GPHN: variants seen among roughly 807,000 people sequenced by gnomAD.
The protein encoded by GPHN is gephyrin.
Under a neutral mutation model 95.5 loss-of-function variants are expected in GPHN, and 17 were observed. That is an observed-to-expected ratio of 0.18 (90% CI 0.12 to 0.27). The LOEUF is 0.27. Ranked by LOEUF, GPHN falls within the 10% of genes least tolerant of loss-of-function variation. The pLI is 1.00. For missense variants in GPHN, 660 were observed against 978.1 expected (o/e 0.67, Z 4.34); for synonymous variants, 320 against 322.5 (o/e 0.99, Z 0.08).
the GPHN span, chr14:67,557,195 C>A: frequency 7.7e-7 from 1 of 1,291,040 alleles, no homozygotes. Flanking sequence ...GACGGTGTCC[C>A]ATCCCACGTT....
At chr14:67,340,449 T>A in the GPHN span, 1 of 1,613,704 alleles carries the variant, frequency 6.2e-7, no homozygotes, top group Non-Finnish European at 8.5e-7. Flanking sequence ...CCTATAGAAC[T>A]CTTCTCGCTC....
intron 4 of GPHN, among the ~76,000 whole-genome samples, chr14:66,828,639 T>C (rs954923427): frequency 4.6e-5 from 7 of 152,056 alleles, no homozygotes; most frequent in Admixed American, 1.3e-4. Context: ...AGCAAAATTG[T>C]TTGTGGATGT....
At chr14:67,218,738 G>T in the GPHN span, among the ~76,000 whole-genome samples, 1 of 151,942 alleles carries the variant, frequency 6.6e-6, no homozygotes, top group Non-Finnish European at 1.5e-5. Flanking sequence ...TAGCCATTCT[G>T]CTTGCCCAAG....
At chr14:66,610,164 C>T (rs1441634008) in intron 1 of GPHN, among the ~76,000 whole-genome samples, 2 of 152,076 alleles carry the variant, frequency 1.3e-5, no homozygotes, top group African/African-American at 2.4e-5. Context: ...TGAGTAGATT[C>T]TTTCCCTGGG....
chr14:66,555,129 A>C (rs2059957093), intron 1 of GPHN, among the ~76,000 whole-genome samples: 1 of 151,518 alleles, frequency 6.6e-6, no homozygotes, highest in South Asian at 2.1e-4. Context: ...CCACAAAAAA[A>C]ACAAAAGAAG....
At chr14:67,029,982 G>A (rs1486605367) in intron 10 of GPHN, among the ~76,000 whole-genome samples, 2 of 133,680 alleles carry the variant, frequency 1.5e-5, no homozygotes, top group African/African-American at 6.6e-5. Context: ...AGCTTCTTTG[G>A]TAGCTCTTTT....
At chr14:66,788,766 C>A (rs569744633) in intron 3 of GPHN, among the ~76,000 whole-genome samples, 15 of 152,290 alleles carry the variant, frequency 9.8e-5, no homozygotes, top group Admixed American at 2.6e-4. Flanking sequence ...AAGTGACTCT[C>A]CTACCTCAGC....
chr14:66,834,500 G>A (rs138817047), intron 4 of GPHN, among the ~76,000 whole-genome samples: 1,697 of 152,180 alleles, frequency 0.011, 80 homozygotes, highest in Admixed American at 0.089. Context: ...TTTTCTGCAT[G>A]TATTGAGATA....
chr14:66,716,176 G>A (rs544646117), intron 2 of GPHN, among the ~76,000 whole-genome samples: 6 of 152,098 alleles, frequency 3.9e-5, no homozygotes, highest in African/African-American at 9.6e-5. Context: ...TATAAATTTG[G>A]GACCTCCAGT....
At chr14:67,335,200 A>C in the GPHN span, 1 of 152,222 alleles carries the variant, frequency 6.6e-6, no homozygotes, top group South Asian at 2.1e-4. Context: ...GAAATGTCCT[A>C]AACTTTTCTA....
At chr14:67,218,220 G>A in the GPHN span, among the ~76,000 whole-genome samples, 1 of 152,302 alleles carries the variant, frequency 6.6e-6, no homozygotes, top group East Asian at 1.9e-4. Context: ...GGCTGTTACT[G>A]TGGCCAGAAG....
intron 1 of GPHN, among the ~76,000 whole-genome samples, chr14:66,525,457 A>G (rs575252288): frequency 2.4e-4 from 36 of 152,226 alleles, no homozygotes; most frequent in Admixed American, 2.4e-3. Flanking sequence ...GTTCACTCTG[A>G]TGGTAGTTTC....
intron 16 of GPHN, among the ~76,000 whole-genome samples, chr14:67,120,341 A>C (rs1361879175): frequency 6.6e-6 from 1 of 152,144 alleles, no homozygotes; most frequent in African/African-American, 2.4e-5. Context: ...AAAAATTGTG[A>C]GTTTATTCTA....
chr14:66,615,734 G>A (rs1206368297), intron 1 of GPHN, among the ~76,000 whole-genome samples: 1 of 151,766 alleles, frequency 6.6e-6, no homozygotes, highest in African/African-American at 2.4e-5. Flanking sequence ...GATCCCATTT[G>A]TCAATTTTGA....
At chr14:67,563,212 C>T in the GPHN span, among the ~76,000 whole-genome samples, 11 of 152,180 alleles carry the variant, frequency 7.2e-5, no homozygotes. Flanking sequence ...TGGTCAAGAG[C>T]ATAGGCCCCA....
At chr14:66,639,820 C>A (rs1335123869) in intron 1 of GPHN, among the ~76,000 whole-genome samples, 1 of 151,924 alleles carries the variant, frequency 6.6e-6, no homozygotes, top group South Asian at 2.1e-4. Context: ...TAAGTTTATA[C>A]ATCTACAAAT....
At chr14:66,683,846 G>A (rs1216786619) in intron 2 of GPHN, among the ~76,000 whole-genome samples, 13 of 151,348 alleles carry the variant, frequency 8.6e-5, no homozygotes, top group African/African-American at 1.2e-4. Context: ...GCGTGGTGGC[G>A]GGCACCTGTA....
the GPHN span, among the ~76,000 whole-genome samples, chr14:67,663,490 G>A: frequency 6.6e-6 from 1 of 151,852 alleles, no homozygotes; most frequent in Non-Finnish European, 1.5e-5. Flanking sequence ...TGCCTAACAC[G>A]GTGAAACCCC....
At chr14:66,811,082 A>G (rs1260523570) in intron 3 of GPHN, among the ~76,000 whole-genome samples, 1 of 152,246 alleles carries the variant, frequency 6.6e-6, no homozygotes, top group Non-Finnish European at 1.5e-5. Flanking sequence ...ATATTGTCAA[A>G]TTGAAAATGC....
Sources: allele counts gnomAD v4.1 joint callset (sites outside exome capture counted in the v4.1 genomes callset), GRCh38; gene constraint gnomAD v4.1.1; transcripts MANE v1.5; gene names NCBI Gene and HGNC (gene_info 2026-07-23, HGNC 2026-07-21).